SVEP1: variants seen among roughly 807,000 people sequenced by gnomAD.
SVEP1 encodes sushi, von Willebrand factor type A, EGF and pentraxin domain containing 1, also known as sushi, von Willebrand factor type A, EGF and pentraxin domain-containing protein 1.
SVEP1 carries 164 observed loss-of-function variants against 367.3 expected under a neutral mutation model. That is an observed-to-expected ratio of 0.45 (90% CI 0.39 to 0.51). The LOEUF (loss-of-function observed/expected upper bound fraction) is 0.51. Ranked by LOEUF, SVEP1 falls within the 20% of genes least tolerant of loss-of-function variation. The pLI, the probability that SVEP1 is intolerant of heterozygous loss-of-function variation, is 0.00. For synonymous variants in SVEP1, 1,666 were observed against 1,611.6 expected (o/e 1.03, Z -0.81); for missense variants, 4,117 against 4,425.3 (o/e 0.93, Z 1.98).
rs192233477 is a variant in SVEP1 at position 110,429,949 on chromosome 9, T to G, written c.5586A>C (p.Ala1862=). 1,814 of 1,613,022 alleles carry G rather than the reference T, an allele frequency of 1.1e-3. 7 individuals are homozygous for G. Among genetic ancestry groups the G allele is most frequent in the Middle Eastern group, 0.01 (61 of 6,058 alleles). ...ATGTCACTTTGCTGCCAAAAGTAAA[T>G]GCTAACTCCTCAATGCAACCATTTT... ...IPENGCIEEL[A]FTFGSKVTYR... The change falls in exon 34 of 48, where the codon GCA becomes GCC. Residue 1862 remains alanine (A), a synonymous_variant. Coordinates refer to ENST00000374469, the MANE Select transcript of SVEP1 (RefSeq NM_153366.4).
intron 36 of SVEP1, among the ~76,000 whole-genome samples, chr9:110,416,930 C>A (rs541525400): frequency 6.6e-6 from 1 of 151,976 alleles, no homozygotes; most frequent in Non-Finnish European, 1.5e-5. Context: ...TAGCATCTTC[C>A]CCCCAGTTGT....
At position 110,404,505 on chromosome 9, in the gene SVEP1, C is replaced by A; in HGVS notation, c.9488G>T (p.Cys3163Phe). 4 of 1,613,968 alleles carry A rather than the reference C, an allele frequency of 2.5e-6. No individual in the cohort carries two copies. The highest frequency in any genetic ancestry group is 3.4e-6 in the Non-Finnish European group (4 of 1,179,892). Reference protein sequence around the residue: ...TMDTDTDTFTCQKDGRWFPER... With the variant: ...TMDTDTDTFTFQKDGRWFPER... ...AGGGAACCAGCGACCATCTTTCTGA[C>A]AGGTGAATGTATCTGTATCTGTATC... is the stretch of plus-strand genomic sequence containing the variant. The change falls in exon 39 of 48, where the codon TGT becomes TTT. Residue 3163 changes from cysteine (C) to phenylalanine (F), a missense_variant. Cys to Phe is a radical substitution (Grantham distance 205). This residue lies in a region of SVEP1 where 1,765 missense variants were observed against 1,781.1 expected (regional missense o/e 0.99). Transcript: ENST00000374469.
intron 47 of SVEP1, 167 bp downstream of exon 47, chr9:110,369,756 G>T: frequency 1.7e-6 from 1 of 605,698 alleles, no homozygotes; most frequent in Non-Finnish European, 2.9e-6. Flanking sequence ...ATATTTCTTA[G>T]CTTTGGCTTT....
chr9:110,485,589 T>A (rs12115772), intron 9 of SVEP1, among the ~76,000 whole-genome samples: 4,283 of 152,270 alleles, frequency 0.028, 191 homozygotes, highest in African/African-American at 0.098. Flanking sequence ...AACTTAAAAT[T>A]AAATTAAATT....
Position 110,483,629 on chromosome 9 carries a change from T to C in SVEP1, c.1995A>G (p.Val665=), listed in dbSNP as rs755466710. 5.6e-6 allele frequency: 9 copies of C among 1,612,580 alleles called. No homozygotes were observed. Among genetic ancestry groups the C allele is most frequent in the African/African-American group, 1.3e-5 (1 of 74,858 alleles). The change falls in exon 10 of 48, where the codon GTA becomes GTG. Residue 665 remains valine, a synonymous_variant. Coordinates refer to ENST00000374469, the MANE Select transcript of SVEP1 (RefSeq NM_153366.4). ...SPPPVQVSEK[V]HAASWDEPQF... is the part of the protein sequence containing the mutation. Reference sequence around the variant, plus strand: ...GAGGCTCATCCCAGCTTGCGGCATGTACCTTCTCCGAGACCTGGACGGGAG... The same window carrying C: ...GAGGCTCATCCCAGCTTGCGGCATGCACCTTCTCCGAGACCTGGACGGGAG...
At chr9:110,497,819 C>T (rs1186211608) in intron 7 of SVEP1, among the ~76,000 whole-genome samples, 1 of 152,206 alleles carries the variant, frequency 6.6e-6, no homozygotes, top group East Asian at 1.9e-4. Context: ...TCTGTAACTT[C>T]TGGCTGAATA....
At chr9:110,451,248 C>A (rs1828688616) in intron 23 of SVEP1, 41 bp downstream of exon 23, 1 of 1,531,014 alleles carries the variant, frequency 6.5e-7, no homozygotes, top group Non-Finnish European at 9.0e-7. Flanking sequence ...TGGTGGTTTA[C>A]AAGATTTTAA....
At position 110,554,268 on chromosome 9, in the gene SVEP1, G is replaced by A. The variant is rs541484017; in HGVS notation, c.532-4164C>T. ...CTTTGATTTTTTCTTTTCCAATAGAGCTTGAGAGTCTGCTTATGAAATTCT... is the reference window on the plus strand; with the variant it reads ...CTTTGATTTTTTCTTTTCCAATAGAACTTGAGAGTCTGCTTATGAAATTCT... On this transcript the variant is annotated intron_variant, in intron 1 of 47. Transcript: ENST00000374469. 4.6e-5 allele frequency among the ~76,000 whole-genome samples: 7 copies of A among 151,986 alleles called. No individual in the cohort carries two copies. The South Asian group carries it at 1.5e-3, about 32-fold the overall frequency.
At chr9:110,542,973 A>AATAT (rs1165167902) in intron 3 of SVEP1, among the ~76,000 whole-genome samples, 1 of 147,282 alleles carries the variant, frequency 6.8e-6, no homozygotes, top group African/African-American at 2.5e-5. Context: ...ATTAAAAAAA[A>AATAT]ATATATATAT....
At position 110,503,203 on chromosome 9, in the gene SVEP1, G is replaced by A; in HGVS notation, c.1318C>T (p.His440Tyr). 6.2e-7 allele frequency: 1 copy of A among 1,613,032 alleles called. No homozygotes were observed. The highest frequency in any genetic ancestry group is 8.5e-7 in the Non-Finnish European group (1 of 1,179,578). Residue 440 changes from histidine (H) to tyrosine (Y), a missense_variant, in exon 6 of 48, where the codon CAT becomes TAT. Transcript: ENST00000374469. ...TGGCCATGTTTCGGCTGGCGGAGAT[G>A]AGGACATGTTCTTACTATGTAAAAT... Reference protein sequence around the residue: ...ESYCRVRTCPHLRQPKHGHIS... With the variant: ...ESYCRVRTCPYLRQPKHGHIS...
chr9:110,573,895 G>A (rs1234160701), intron 1 of SVEP1, among the ~76,000 whole-genome samples: 1 of 150,180 alleles, frequency 6.7e-6, no homozygotes, highest in Non-Finnish European at 1.5e-5. Context: ...GCTATTGACT[G>A]TGTACTAATT....
chr9:110,573,119 C>T (rs1216730616), intron 1 of SVEP1, among the ~76,000 whole-genome samples: 1 of 152,020 alleles, frequency 6.6e-6, no homozygotes, highest in Non-Finnish European at 1.5e-5. Context: ...GTTAAAACTA[C>T]CCTCTGAGTG....
At chr9:110,391,433 G>A (rs769251650) in intron 40 of SVEP1, among the ~76,000 whole-genome samples, 8 of 151,780 alleles carry the variant, frequency 5.3e-5, no homozygotes, top group East Asian at 3.9e-4. Context: ...ACCACACCCC[G>A]CTAATTTTTG....
At chr9:110,575,739 CA>C (rs756415140) in intron 1 of SVEP1, among the ~76,000 whole-genome samples, 2 of 152,138 alleles carry the variant, frequency 1.3e-5, no homozygotes, top group Non-Finnish European at 2.9e-5. Flanking sequence ...GGGTCACTGA[CA>C]GCTGAGGGTT....
chr9:110,474,180 A>T (rs960331047), intron 14 of SVEP1, among the ~76,000 whole-genome samples: 1 of 151,946 alleles, frequency 6.6e-6, no homozygotes, highest in Admixed American at 6.6e-5. Flanking sequence ...TTGTATTTTT[A>T]GTAGAGATGG....
rs1366166883 is a variant in SVEP1 at position 110,430,352 on chromosome 9, C to T, written c.5452G>A (p.Gly1818Arg). The T allele has an allele frequency of 2.5e-6, 4 of 1,613,368 alleles. No homozygotes were observed. In the African/African-American group the frequency reaches 4.0e-5, roughly 16 times the overall value. ...TTGGTTACTCCCATCAACTGGTATC[C>T]TTCCTGACACGAAAATGTGACTTCG... Reference protein sequence around the residue: ...GAEVTFSCQEGYQLMGVTKIT... With the variant: ...GAEVTFSCQERYQLMGVTKIT... The change falls in exon 33 of 48, where the codon GGA becomes AGA. Residue 1818 changes from glycine (G) to arginine (R), a missense_variant. By Grantham distance (125) the Gly-to-Arg change is moderately radical. Around this residue, in one of 4 missense-constraint regions of SVEP1, gnomAD observed 2,174 missense variants for 2,494.3 expected, o/e 0.87. Coordinates refer to ENST00000374469, the MANE Select transcript of SVEP1 (RefSeq NM_153366.4).
chr9:110,448,931 T>C (rs939643536), intron 24 of SVEP1, among the ~76,000 whole-genome samples: 4 of 152,196 alleles, frequency 2.6e-5, no homozygotes, highest in African/African-American at 7.2e-5. Flanking sequence ...AGGATGGTAA[T>C]GGAAGGGGGC....
At chr9:110,391,488 T>C (rs1335440212) in intron 40 of SVEP1, among the ~76,000 whole-genome samples, 2 of 152,096 alleles carry the variant, frequency 1.3e-5, no homozygotes, top group African/African-American at 4.8e-5. Flanking sequence ...GACAGGCTGG[T>C]CTCAAACTCC....
At chr9:110,429,053 A>G (rs982185275) in intron 35 of SVEP1, 90 bp downstream of exon 35, 2 of 1,100,546 alleles carry the variant, frequency 1.8e-6, no homozygotes, top group Non-Finnish European at 2.5e-6. Context: ...TGAGTGTCAC[A>G]GTGAGACCAT....
Sources: gnomAD v4.1 joint callset for allele counts (sites outside exome capture counted in the v4.1 genomes callset) on GRCh38, gnomAD v4.1.1 for gene constraint, gnomAD v4.1.1 regional missense constraint, MANE v1.5 for transcripts, NCBI Gene and HGNC (gene_info 2026-07-23, HGNC 2026-07-21) for gene names.